KCNK12: variants seen among roughly 807,000 people sequenced by gnomAD.
The protein encoded by KCNK12 is potassium channel subfamily K member 12.
In KCNK12, 6 loss-of-function variants were observed where a neutral mutation model predicts 25.3. That is an observed-to-expected ratio of 0.24 (90% CI 0.13 to 0.47). The LOEUF (loss-of-function observed/expected upper bound fraction) is 0.47. Among genes scored for constraint, KCNK12 ranks in the 20% least tolerant of loss-of-function variants. The pLI is 0.99. For synonymous variants in KCNK12, 331 were observed against 311.1 expected (o/e 1.06, Z -0.67); for missense variants, 444 against 661.7 (o/e 0.67, Z 3.61).
intron 1 of KCNK12, among the ~76,000 whole-genome samples, chr2:47,542,387 C>G (rs1260348007): frequency 1.3e-5 from 2 of 152,250 alleles, no homozygotes; most frequent in Admixed American, 1.3e-4. Context: ...CAGTGCAACA[C>G]TAGGCGCTTA....
rs142756662 is a variant in KCNK12 at position 47,557,418 on chromosome 2, A to T, written c.391+12523T>A. Among the ~76,000 whole-genome samples the T allele has an allele frequency of 9.7e-3, 1,480 of 152,030 alleles. 24 individuals carry two copies. The highest frequency in any genetic ancestry group is 0.033 in the African/African-American group (1,350 of 41,448). On this transcript the variant is annotated intron_variant, in intron 1 of 1. Coordinates refer to ENST00000327876, the MANE Select transcript of KCNK12 (RefSeq NM_022055.2). This position sits in a 1 kb window ranked among gnomAD's most constrained non-coding sequence, Gnocchi z 4.9. ...CCCAGCCTCCAGAATGGTGAGTGAA[A>T]TCAACTTTTTTTTGTTTGTTTTTTT...
chr2:47,541,108 G>A (rs1050249977), intron 1 of KCNK12, among the ~76,000 whole-genome samples: 2 of 152,176 alleles, frequency 1.3e-5, no homozygotes, highest in Non-Finnish European at 2.9e-5. Flanking sequence ...CAGAGCCACC[G>A]TGGCCATTCA....
intron 1 of KCNK12, among the ~76,000 whole-genome samples, chr2:47,541,978 TAGCAGCAGCAGCAGCAGC>T (rs908359477): frequency 6.6e-6 from 1 of 152,104 alleles, no homozygotes; most frequent in Non-Finnish European, 1.5e-5. Context: ...CTGTTTTCTG[TAGCAGCAGCAGCAGCAGC>T]AGCGGCAGCA....
rs560286626 is a variant in KCNK12 at position 47,511,359 on chromosome 2, G to T, written c.*9548C>A. Among the ~76,000 whole-genome samples the T allele has an allele frequency of 3.8e-4, 58 of 152,200 alleles. No individual in the cohort carries two copies. Among genetic ancestry groups the T allele is most frequent in the Non-Finnish European group, 6.8e-4 (46 of 68,036 alleles). ...CTTTGTGTCTTAATTACAGCCATTT[G>T]TGGAATTAGGCTTTTAATATAAATA... On this transcript the variant is annotated 3_prime_UTR_variant, in exon 2 of 2. Coordinates refer to ENST00000327876, the MANE Select transcript of KCNK12 (RefSeq NM_022055.2). This position sits in a 1 kb window ranked among gnomAD's most constrained non-coding sequence, Gnocchi z 4.3.
At chr2:47,567,528 C>T (rs1175408526) in intron 1 of KCNK12, among the ~76,000 whole-genome samples, 1 of 152,226 alleles carries the variant, frequency 6.6e-6, no homozygotes. Context: ...AATTATGCTA[C>T]TTGGGGATTC....
Position 47,548,288 on chromosome 2 carries a change from G to C in KCNK12, c.391+21653C>G, listed in dbSNP as rs1483447602. Among the ~76,000 whole-genome samples the C allele has an allele frequency of 6.6e-6, 1 of 152,150 alleles. No homozygotes were observed. Among genetic ancestry groups the C allele is most frequent in the Non-Finnish European group, 1.5e-5 (1 of 68,014 alleles). On this transcript the variant is annotated intron_variant, in intron 1 of 1. Transcript: ENST00000327876. This position sits in a 1 kb window ranked among gnomAD's most constrained non-coding sequence, Gnocchi z 4.4. ...CTATAGGCTGGCAAATCCCAAATTT[G>C]TATCTCAAACCCAACCTGTCCCTTG...
chr2:47,531,265 G>A (rs995331270), intron 1 of KCNK12, among the ~76,000 whole-genome samples: 23 of 152,150 alleles, frequency 1.5e-4, no homozygotes, highest in African/African-American at 4.8e-4. Flanking sequence ...TTGAGCCCAG[G>A]AGTTCAAGAC....
chr2:47,529,147 A>C lies in KCNK12; in HGVS notation c.392-7339T>G, dbSNP rs1668862678. On this transcript the variant is annotated intron_variant, in intron 1 of 1. Transcript: ENST00000327876. This position sits in a 1 kb window ranked among gnomAD's most constrained non-coding sequence, Gnocchi z 4.3. ...GTCAACTGTGAGAGAGGGAAATAAA[A>C]CGTACTGTACAGTCCAATCTGGGAT... 1 of 152,128 alleles carries C rather than the reference A, an allele frequency of 6.6e-6. No homozygotes were observed. Among genetic ancestry groups the C allele is most frequent in the Non-Finnish European group, 1.5e-5 (1 of 68,030 alleles). The allele number at this position is 152,128 out of a possible 1,614,324, so 9.4% of individuals were successfully genotyped here. A position where few individuals can be genotyped will look rare whatever the true frequency, so the allele number is the denominator to read the frequency against.
chr2:47,543,423 A>T (rs1047133910), intron 1 of KCNK12: 1 of 152,166 alleles, frequency 6.6e-6, no homozygotes, highest in African/African-American at 2.4e-5. Context: ...TAGATGCACA[A>T]TCTGAGGCTC....
rs192644224 is a variant in KCNK12 at position 47,544,089 on chromosome 2, T to C, written c.392-22281A>G. Among the ~76,000 whole-genome samples the C allele has an allele frequency of 2.6e-5, 4 of 152,296 alleles. No individual in the cohort carries two copies. In the East Asian group the frequency reaches 7.7e-4, roughly 29 times the overall value. On this transcript the variant is annotated intron_variant, in intron 1 of 1. Transcript: ENST00000327876. Reference sequence around the variant, plus strand: ...ACCACCCATGTCTCCTCTCTTTCTATTGGAGTGACTCTGCTGCTTCAACAG... The same window carrying C: ...ACCACCCATGTCTCCTCTCTTTCTACTGGAGTGACTCTGCTGCTTCAACAG...
rs1284773262 is a variant in KCNK12 at position 47,551,101 on chromosome 2, T to C, written c.391+18840A>G. ...AAAACCCAAAGGTCTTGCCGTGGCC[T>C]GGAGACCCTGCATGACCTAGTCTCT... On this transcript the variant is annotated intron_variant, in intron 1 of 1. Coordinates refer to ENST00000327876, the MANE Select transcript of KCNK12 (RefSeq NM_022055.2). The surrounding 1 kb of genome is among the most constrained non-coding windows in gnomAD (Gnocchi z 5.3). Among the ~76,000 whole-genome samples, 1 of 152,174 alleles carries C rather than the reference T, an allele frequency of 6.6e-6. No individual in the cohort carries two copies. Among genetic ancestry groups the C allele is most frequent in the Non-Finnish European group, 1.5e-5 (1 of 68,040 alleles).
Position 47,565,412 on chromosome 2 carries a change from G to T in KCNK12, c.391+4529C>A, listed in dbSNP as rs886440647. 1 of 152,162 alleles carries T rather than the reference G, an allele frequency of 6.6e-6. No individual in the cohort carries two copies. Among genetic ancestry groups the T allele is most frequent in the Admixed American group, 6.5e-5 (1 of 15,278 alleles). The allele number at this position is 152,162 out of a possible 1,614,324, so 9.4% of individuals were successfully genotyped here. A position where few individuals can be genotyped will look rare whatever the true frequency, so the allele number is the denominator to read the frequency against. On this transcript the variant is annotated intron_variant, in intron 1 of 1. Coordinates refer to ENST00000327876, the MANE Select transcript of KCNK12 (RefSeq NM_022055.2). This position sits in a 1 kb window ranked among gnomAD's most constrained non-coding sequence, Gnocchi z 5.0. ...AAAGTTAGGACTTGTTACTAATCTC[G>T]TGGCTGAATAATTAAGTGTGCCTAA...
rs1030233194 is a variant in KCNK12 at position 47,528,229 on chromosome 2, G to C, written c.392-6421C>G. On this transcript the variant is annotated intron_variant, in intron 1 of 1. Transcript: ENST00000327876. The surrounding 1 kb of genome is among the most constrained non-coding windows in gnomAD (Gnocchi z 4.5). Reference sequence around the variant, plus strand: ...TCTCCGACAGCGCACAGGGCAACCAGTGAAAGCGTCCTTACTGTCCTGTTC... The same window carrying C: ...TCTCCGACAGCGCACAGGGCAACCACTGAAAGCGTCCTTACTGTCCTGTTC... 6.6e-6 allele frequency: 1 copy of C among 152,332 alleles called. No individual in the cohort carries two copies. Among genetic ancestry groups the C allele is most frequent in the Non-Finnish European group, 1.5e-5 (1 of 68,102 alleles). The allele number at this position is 152,332 out of a possible 1,614,324, so 9.4% of individuals were successfully genotyped here. A position where few individuals can be genotyped will look rare whatever the true frequency, so the allele number is the denominator to read the frequency against.
rs1668990777 is a variant in KCNK12 at position 47,533,827 on chromosome 2, G to A, written c.392-12019C>T. ...TGCAGAGCTGGATGGACTGCTCCCTGAGGACAGAAGCTCTTGGTTTTCTTC... is the reference window on the plus strand; with the variant it reads ...TGCAGAGCTGGATGGACTGCTCCCTAAGGACAGAAGCTCTTGGTTTTCTTC... On this transcript the variant is annotated intron_variant, in intron 1 of 1. Transcript: ENST00000327876. The surrounding 1 kb of genome is among the most constrained non-coding windows in gnomAD (Gnocchi z 4.7). 2.0e-5 allele frequency among the ~76,000 whole-genome samples: 3 copies of A among 151,976 alleles called. No homozygotes were observed. In the South Asian group the frequency reaches 6.2e-4, roughly 31 times the overall value.
rs957740492 is a variant in KCNK12, at chr2:47,562,774, C to T, written c.391+7167G>A. 1 of 233,184 alleles carries T rather than the reference C, an allele frequency of 4.3e-6. No individual in the cohort carries two copies. The highest frequency in any genetic ancestry group is 8.5e-6 in the Non-Finnish European group (1 of 118,080). The allele number at this position is 233,184 out of a possible 1,614,324, so 14.4% of individuals were successfully genotyped here. A position where few individuals can be genotyped will look rare whatever the true frequency, so the allele number is the denominator to read the frequency against. On this transcript the variant is annotated intron_variant, in intron 1 of 1. Coordinates refer to ENST00000327876, the MANE Select transcript of KCNK12 (RefSeq NM_022055.2). This position sits in a 1 kb window ranked among gnomAD's most constrained non-coding sequence, Gnocchi z 4.8. ...CCTGCAGTTTCAAGCCCCTCCACCCCCTGTTCCTCACCAACTCTCCCCGTG... is the reference window on the plus strand; with the variant it reads ...CCTGCAGTTTCAAGCCCCTCCACCCTCTGTTCCTCACCAACTCTCCCCGTG...
rs1269247469 is a variant in KCNK12, at chr2:47,509,854, C to T, written c.*11053G>A. On this transcript the variant is annotated 3_prime_UTR_variant, in exon 2 of 2. Transcript: ENST00000327876. The stretch of plus-strand genomic sequence containing the variant: ...CCCCCACTCCCCAACCTGAGGCATG[C>T]ACCCTCCCTTAGATCAATGGCTGTT... Among the ~76,000 whole-genome samples the T allele has an allele frequency of 3.3e-5, 5 of 152,332 alleles. No homozygotes were observed. The highest frequency in any genetic ancestry group is 9.6e-5 in the African/African-American group (4 of 41,572).
intron 1 of KCNK12, among the ~76,000 whole-genome samples, chr2:47,536,447 GAC>G (rs1414730489): frequency 6.6e-6 from 1 of 152,174 alleles, no homozygotes; most frequent in Non-Finnish European, 1.5e-5. Context: ...CAACAGAACT[GAC>G]AGTTTGTCCA....
chr2:47,542,841 G>A (rs1669229784), intron 1 of KCNK12, among the ~76,000 whole-genome samples: 1 of 152,218 alleles, frequency 6.6e-6, no homozygotes, highest in African/African-American at 2.4e-5. Context: ...TCACTGGCTA[G>A]TGAAAACACA....
intron 1 of KCNK12, among the ~76,000 whole-genome samples, chr2:47,550,235 C>A (rs1669398212): frequency 1.3e-5 from 2 of 151,960 alleles, no homozygotes; most frequent in African/African-American, 4.8e-5. Context: ...ACACGCAGAT[C>A]CAAGGAGCTC....
Sources: gnomAD v4.1 joint callset for allele counts (sites outside exome capture counted in the v4.1 genomes callset) on GRCh38, gnomAD v4.1.1 for gene constraint, Gnocchi (gnomAD v3.1) non-coding constraint, MANE v1.5 for transcripts, NCBI Gene and HGNC (gene_info 2026-07-23, HGNC 2026-07-21) for gene names.